RORA: variants seen among roughly 807,000 people sequenced by gnomAD.
RORA encodes nuclear receptor ROR-alpha.
In RORA, 7 loss-of-function variants were observed where a neutral mutation model predicts 69.5. The ratio of observed to expected loss-of-function variants is 0.10; its 90% CI spans 0.06 to 0.19. The LOEUF is 0.19. Ranked by LOEUF, RORA falls within the 10% of genes least tolerant of loss-of-function variation. The probability of loss-of-function intolerance (pLI) is 1.00; values close to 1 mark genes in which losing one functional copy is unlikely to be tolerated. For missense variants in RORA, 457 were observed against 663.0 expected, an observed-to-expected ratio of 0.69 and a Z score of 3.41; for synonymous variants, 261 against 240.8, an observed-to-expected ratio of 1.08 and a Z score of -0.78.
chr15:60,981,085 T>G (rs1894030421), intron 1 of RORA, among the ~76,000 whole-genome samples: 1 of 128,362 alleles, frequency 7.8e-6, no homozygotes, highest in Admixed American at 8.6e-5. Flanking sequence ...GATACAAAAT[T>G]CTTGGTTTAC....
chr15:60,687,680 G>C (rs2070768526), intron 1 of RORA, among the ~76,000 whole-genome samples: 1 of 152,218 alleles, frequency 6.6e-6, no homozygotes, highest in Non-Finnish European at 1.5e-5. Flanking sequence ...CTTGAACCCA[G>C]GAAGTAGAGG....
chr15:60,597,579 TATATATATATATATACAC>T (rs2068710132), intron 2 of RORA, among the ~76,000 whole-genome samples: 4 of 16,952 alleles, frequency 2.4e-4, no homozygotes, highest in Admixed American at 1.9e-3. Context: ...TATATACACA[TATATATATATATATACAC>T]ATATATATAT....
At chr15:60,900,431 T>A (rs969109001) in intron 1 of RORA, among the ~76,000 whole-genome samples, 1 of 152,234 alleles carries the variant, frequency 6.6e-6, no homozygotes, top group African/African-American at 2.4e-5. Flanking sequence ...AATACTGCTG[T>A]CATAACAGTC....
intron 2 of RORA, among the ~76,000 whole-genome samples, chr15:60,642,526 A>G (rs1022921044): frequency 1.6e-4 from 25 of 152,290 alleles, no homozygotes; most frequent in African/African-American, 5.8e-4. Flanking sequence ...CTAGTCAGCT[A>G]TGTCCTTCCT....
rs535050458 is a variant in RORA at position 61,229,175 on chromosome 15, G to A, written c.44C>T (p.Pro15Leu). 1.7e-4 allele frequency: 263 copies of A among 1,555,002 alleles called. No individual in the cohort carries two copies. In the East Asian group the frequency reaches 6.1e-3, roughly 36 times the overall value. ...PAAPDPAASE[P>L]GSSGADAAAG... is the part of the protein sequence containing the mutation. ...GGCCGCGTCCGCGCCGCTGCTGCCT[G>A]GCTCGCTGGCGGCGGGGTCGGGGGC... The change falls in exon 1 of 11, where the codon CCA becomes CTA. Residue 15 changes from proline to leucine, a missense_variant. This residue lies in a region of RORA where 119 missense variants were observed against 92.4 expected (regional missense o/e 1.29). Coordinates refer to ENST00000335670, the MANE Select transcript of RORA (RefSeq NM_134261.3).
At chr15:60,603,590 A>G (rs924490702) in intron 2 of RORA, among the ~76,000 whole-genome samples, 6 of 152,352 alleles carry the variant, frequency 3.9e-5, no homozygotes, top group East Asian at 1.9e-4. Flanking sequence ...TTTTTTGTCA[A>G]CTGATCAATA....
intron 1 of RORA, among the ~76,000 whole-genome samples, chr15:60,983,700 C>T (rs1454438690): frequency 2.0e-5 from 3 of 152,064 alleles, no homozygotes; most frequent in East Asian, 1.9e-4. Context: ...TCTTTGAATC[C>T]ACCCATGACC....
rs570429617 is a variant in RORA, at chr15:60,741,955, C to T, written c.167-63269G>A. On this transcript the variant is annotated intron_variant, in intron 1 of 10. Transcript: ENST00000335670. ...CCAAGCCTCCTCTGGACAGCGCCTGCGAGTTCCTTCCCTCTCCACTGGACA... is the reference window on the plus strand; with the variant it reads ...CCAAGCCTCCTCTGGACAGCGCCTGTGAGTTCCTTCCCTCTCCACTGGACA... Among the ~76,000 whole-genome samples the T allele has an allele frequency of 7.9e-5, 12 of 152,230 alleles. No homozygotes were observed. The South Asian group carries it at 1.2e-3, about 16-fold the overall frequency.
intron 1 of RORA, chr15:60,706,270 T>A (rs2071061669): frequency 1.3e-5 from 2 of 152,198 alleles, no homozygotes; most frequent in Non-Finnish European, 2.9e-5. Flanking sequence ...AAGGACAGCA[T>A]GGGTAGTACG....
intron 2 of RORA, among the ~76,000 whole-genome samples, chr15:60,576,515 G>C (rs1298505128): frequency 6.6e-6 from 1 of 152,194 alleles, no homozygotes; most frequent in Admixed American, 6.5e-5. Context: ...ATAAAATTAA[G>C]GACAAGTATT....
chr15:60,941,938 T>C (rs1174587474), intron 1 of RORA, among the ~76,000 whole-genome samples: 1 of 152,258 alleles, frequency 6.6e-6, no homozygotes, highest in Non-Finnish European at 1.5e-5. Flanking sequence ...AAGATAATTG[T>C]TGATCTTTGC....
chr15:60,593,654 G>A (rs572192006), intron 2 of RORA, among the ~76,000 whole-genome samples: 1 of 152,204 alleles, frequency 6.6e-6, no homozygotes, highest in African/African-American at 2.4e-5. Flanking sequence ...CTATAGTACC[G>A]AGCATAACAG....
chr15:60,955,455 T>C (rs1022052290), intron 1 of RORA, among the ~76,000 whole-genome samples: 2 of 152,236 alleles, frequency 1.3e-5, no homozygotes, highest in African/African-American at 4.8e-5. Flanking sequence ...ACTCAATAAA[T>C]ATCAGGCAGA....
intron 1 of RORA, among the ~76,000 whole-genome samples, chr15:60,681,161 A>T (rs991544256): frequency 7.9e-5 from 12 of 152,238 alleles, no homozygotes; most frequent in African/African-American, 2.9e-4. Context: ...ATGATTCCAT[A>T]GAAGTACCAA....
intron 1 of RORA, among the ~76,000 whole-genome samples, chr15:61,219,463 T>C (rs1380710799): frequency 1.3e-5 from 2 of 152,050 alleles, no homozygotes; most frequent in Non-Finnish European, 2.9e-5. Context: ...TTGTTCCAGC[T>C]ATTCGGGAGG....
chr15:60,637,138 C>T (rs530447580), intron 2 of RORA, among the ~76,000 whole-genome samples: 4 of 151,042 alleles, frequency 2.6e-5, no homozygotes, highest in African/African-American at 9.8e-5. Flanking sequence ...ATTTTCAAGA[C>T]TTTAGTACCT....
chr15:61,127,059 C>T (rs1260650220), intron 1 of RORA, among the ~76,000 whole-genome samples: 1 of 152,068 alleles, frequency 6.6e-6, no homozygotes, highest in Non-Finnish European at 1.5e-5. Flanking sequence ...AATTAAAATC[C>T]AATTATAAAT....
chr15:60,649,999 C>A (rs2070115475), intron 2 of RORA, among the ~76,000 whole-genome samples: 1 of 152,110 alleles, frequency 6.6e-6, no homozygotes, highest in South Asian at 2.1e-4. Flanking sequence ...GGTATGTGCA[C>A]CAAATGACAC....
Position 60,494,339 on chromosome 15 carries a change from C to T in RORA, c.*3116G>A, listed in dbSNP as rs893353995. On this transcript the variant is annotated 3_prime_UTR_variant, in exon 11 of 11. Transcript: ENST00000335670. ...AGGTATTCAGGCTTTGTACAAAAGC[C>T]TTATTTGCCTTATGTAAAAAAATTG... 6.6e-6 allele frequency: 1 copy of T among 152,128 alleles called. No homozygotes were observed. The highest frequency in any genetic ancestry group is 1.5e-5 in the Non-Finnish European group (1 of 68,014). 9.4% of individuals were successfully genotyped at this position (152,128 alleles called of 1,614,324 possible).
Sources: allele counts gnomAD v4.1 joint callset (sites outside exome capture counted in the v4.1 genomes callset), GRCh38; gene constraint gnomAD v4.1.1; regional missense constraint gnomAD v4.1.1; transcripts MANE v1.5; gene names NCBI Gene and HGNC (gene_info 2026-07-23, HGNC 2026-07-21).